Variants in PPEF1 observed in about 807,000 individuals in gnomAD.
PPEF1 encodes serine/threonine-protein phosphatase with EF-hands 1.
In PPEF1, 12 loss-of-function variants were observed where a neutral mutation model predicts 53.3. That is an observed-to-expected ratio of 0.23 (90% CI 0.14 to 0.36). The LOEUF (loss-of-function observed/expected upper bound fraction) is 0.36, where lower values mean the gene tolerates loss of function less well. Ranked by LOEUF, PPEF1 falls within the 10% of genes least tolerant of loss-of-function variation. PPEF1 has a pLI of 1.00. For synonymous variants in PPEF1, 165 were observed against 176.7 expected (o/e 0.93, Z 0.52); for missense variants, 334 against 490.4 (o/e 0.68, Z 3.01).
Position 18,782,157 on chromosome X carries a change from C to T in PPEF1, c.726-209C>T, listed in dbSNP as rs182100033. 5.8e-4 allele frequency among the ~76,000 whole-genome samples: 65 copies of T among 111,684 alleles called. No homozygotes were observed. In the East Asian group the frequency reaches 0.018, roughly 30 times the overall value. On this transcript the variant is annotated intron_variant, in intron 7 of 15. Coordinates refer to ENST00000470157, the MANE Select transcript of PPEF1 (RefSeq NM_001377996.1). ...CTTCTTTCCCCAGCTATACTATAAG[C>T]TCCTTGAGGGTAGGGATGATGTCGT...
rs1245457509 is a variant in PPEF1 at position 18,733,120 on chromosome X, C to T, written c.175-628C>T. On this transcript the variant is annotated intron_variant, in intron 2 of 15. Transcript: ENST00000470157. ...ACTCGGGACACTGAGGCAGGAGAAT[C>T]GCTTGATCCGGGGAGGCGGAGGTTA... Among the ~76,000 whole-genome samples, 3 of 111,348 alleles carry T rather than the reference C, an allele frequency of 2.7e-5. No homozygotes were observed. In the East Asian group the frequency reaches 8.5e-4, roughly 31 times the overall value.
chrX:18,696,088 GAAA>G (rs1261222074), intron 4 of PPEF1, among the ~76,000 whole-genome samples: 1 of 111,910 alleles, frequency 8.9e-6, no homozygotes, highest in East Asian at 2.8e-4. Context: ...CTATTTAAGT[GAAA>G]AATTACTTGG....
At chrX:18,758,759 G>A (rs927813276) in intron 5 of PPEF1, among the ~76,000 whole-genome samples, 1 of 111,187 alleles carries the variant, frequency 9.0e-6, no homozygotes, top group East Asian at 2.8e-4. Context: ...AGTCTGTGAG[G>A]CCAGGGCTAG....
chrX:18,806,686 C>T (rs1256698642), intron 12 of PPEF1, 141 bp downstream of exon 12: 2 of 594,171 alleles, frequency 3.4e-6, no homozygotes, highest in Non-Finnish European at 4.8e-6. Context: ...TAAATAGTTC[C>T]AGACACCAAG....
At chrX:18,707,583 C>T, upstream of PPEF1, 1 of 396,210 alleles carries the variant, frequency 2.5e-6, no homozygotes, top group East Asian at 4.1e-5. Context: ...TAAAATGAAT[C>T]CTGCTGAGCA....
chrX:18,705,770 A>G (rs759674015), upstream of PPEF1, among the ~76,000 whole-genome samples: 52 of 111,915 alleles, frequency 4.6e-4, 1 homozygote, highest in South Asian at 0.019. Flanking sequence ...TAATTCATTC[A>G]ATACATAAAA....
chrX:18,726,877 G>A (rs1010558883), intron 1 of PPEF1, among the ~76,000 whole-genome samples: 1 of 111,328 alleles, frequency 9.0e-6, no homozygotes, highest in African/African-American at 3.3e-5. Context: ...AGCCAGTCTG[G>A]TCTCAAACTC....
intron 12 of PPEF1, among the ~76,000 whole-genome samples, chrX:18,815,713 T>G (rs2046893535): frequency 9.0e-6 from 1 of 110,893 alleles, no homozygotes; most frequent in Non-Finnish European, 1.9e-5. Flanking sequence ...CTTTTTTCTT[T>G]TTTTTCTTGG....
chrX:18,759,611 A>T (rs2045617814), intron 5 of PPEF1, among the ~76,000 whole-genome samples: 1 of 111,952 alleles, frequency 8.9e-6, no homozygotes, highest in African/African-American at 3.2e-5. Flanking sequence ...AGTTAAAAAT[A>T]TTAAACTAAG....
chrX:18,825,787 A>G lies in PPEF1; in HGVS notation c.1702A>G (p.Arg568Gly), dbSNP rs1454800241. 8.3e-7 allele frequency: 1 copy of G among 1,204,367 alleles called. No homozygotes were observed. Among genetic ancestry groups the G allele is most frequent in the Non-Finnish European group, 1.1e-6 (1 of 891,704 alleles). ...TCTAGTTGAAACTCTGTACAGATACAGATCTGACCTGGAAATCATATTTAA... is the reference window on the plus strand; with the variant it reads ...TCTAGTTGAAACTCTGTACAGATACGGATCTGACCTGGAAATCATATTTAA... ...STLVETLYRY[R>G]SDLEIIFNAI... Residue 568 changes from arginine to glycine, a missense_variant, in exon 15 of 16, where the codon AGA becomes GGA. By Grantham distance (125) the Arg-to-Gly change is moderately radical. Coordinates refer to ENST00000470157, the MANE Select transcript of PPEF1 (RefSeq NM_001377996.1).
intron 5 of PPEF1, among the ~76,000 whole-genome samples, chrX:18,760,926 G>A (rs1007227648): frequency 9.1e-6 from 1 of 110,103 alleles, no homozygotes; most frequent in East Asian, 2.8e-4. Flanking sequence ...GATTACAGGC[G>A]TGTGCCACCA....
At chrX:18,675,106 G>A (rs1928624798), upstream of PPEF1, among the ~76,000 whole-genome samples, 1 of 112,901 alleles carries the variant, frequency 8.9e-6, no homozygotes, top group African/African-American at 3.2e-5. Context: ...GCGGCTTCGA[G>A]TCTCGGGCTC....
intron 13 of PPEF1, among the ~76,000 whole-genome samples, chrX:18,821,770 AG>A (rs1174598181): frequency 9.8e-4 from 15 of 15,289 alleles, no homozygotes; most frequent in African/African-American, 3.1e-3. Context: ...AGAGAGAGAG[AG>A]AGAGAGAGAG....
At chrX:18,777,522 T>C (rs1342303353) in intron 6 of PPEF1, among the ~76,000 whole-genome samples, 1 of 111,282 alleles carries the variant, frequency 9.0e-6, no homozygotes, top group Non-Finnish European at 1.9e-5. Context: ...TTTCTTTTCT[T>C]TTTTTTTCCT....
At chrX:18,740,768 C>T (rs1425138072) in intron 3 of PPEF1, among the ~76,000 whole-genome samples, 1 of 111,106 alleles carries the variant, frequency 9.0e-6, no homozygotes, top group Non-Finnish European at 1.9e-5. Context: ...GAAGCAGAGG[C>T]AGGCAATGGA....
rs376360065 is a variant in PPEF1 at position 18,733,493 on chromosome X, G to A, written c.175-255G>A. 2.4e-3 allele frequency among the ~76,000 whole-genome samples: 268 copies of A among 111,996 alleles called. 2 individuals carry two copies. Among genetic ancestry groups the A allele is most frequent in the African/African-American group, 8.2e-3 (254 of 30,858 alleles). On this transcript the variant is annotated intron_variant, in intron 2 of 15. Coordinates refer to ENST00000470157, the MANE Select transcript of PPEF1 (RefSeq NM_001377996.1). ...CAGAGGCAAGGGAGGTGGGGGACTGGGCTGTTACACCCTTGCTTCAGCCAG... is the reference window on the plus strand; with the variant it reads ...CAGAGGCAAGGGAGGTGGGGGACTGAGCTGTTACACCCTTGCTTCAGCCAG...
intron 12 of PPEF1, among the ~76,000 whole-genome samples, chrX:18,811,618 T>A (rs1414797709): frequency 3.3e-4 from 5 of 15,088 alleles, no homozygotes; most frequent in South Asian, 2.5e-3. Context: ...TATATATATT[T>A]TTTTTTTTTT....
At chrX:18,789,696 G>A (rs1265757863) in intron 10 of PPEF1, among the ~76,000 whole-genome samples, 1 of 112,481 alleles carries the variant, frequency 8.9e-6, no homozygotes, top group Non-Finnish European at 1.9e-5. Flanking sequence ...ACACATATGT[G>A]ATGTTTTGTG....
At chrX:18,826,389 AGT>A (rs2047164155) in intron 15 of PPEF1, among the ~76,000 whole-genome samples, 1 of 93,057 alleles carries the variant, frequency 1.1e-5, no homozygotes. Context: ...TGTTTTGGGG[AGT>A]AAGGGCTATG....
Sources: gnomAD v4.1 joint callset for allele counts (sites outside exome capture counted in the v4.1 genomes callset) on GRCh38, gnomAD v4.1.1 for gene constraint, MANE v1.5 for transcripts, NCBI Gene and HGNC (gene_info 2026-07-23, HGNC 2026-07-21) for gene names.